Variants in TSHZ3 observed in about 807,000 individuals in gnomAD.
TSHZ3 encodes the protein teashirt homolog 3.
Under a neutral mutation model 64.5 loss-of-function variants are expected in TSHZ3, and 10 were observed. That is an observed-to-expected ratio of 0.16 (90% confidence interval 0.10 to 0.26). The LOEUF (loss-of-function observed/expected upper bound fraction) is 0.26, where lower values mean the gene tolerates loss of function less well. TSHZ3 is among the 10% of genes least tolerant of loss of function. The probability of loss-of-function intolerance (pLI) is 1.00; values close to 1 mark genes in which losing one functional copy is unlikely to be tolerated. For synonymous variants in TSHZ3, 608 were observed against 593.1 expected, an observed-to-expected ratio of 1.03 and a Z score of -0.36; for missense variants, 1,242 against 1,421.7, an observed-to-expected ratio of 0.87 and a Z score of 2.03.
intron 1 of TSHZ3, among the ~76,000 whole-genome samples, chr19:31,310,955 C>A (rs1461080814): frequency 6.6e-6 from 1 of 152,200 alleles, no homozygotes; most frequent in Non-Finnish European, 1.5e-5. Flanking sequence ...ACATTTCAGC[C>A]CCTCACTGGG....
chr19:31,218,927 C>A (rs114681375), intron 4 of TSHZ3, among the ~76,000 whole-genome samples: 1 of 152,066 alleles, frequency 6.6e-6, no homozygotes, highest in Non-Finnish European at 1.5e-5. Flanking sequence ...GATTGTAATC[C>A]GGCAGCATTG....
At position 31,276,066 on chromosome 19, in the gene TSHZ3, C is replaced by T. The variant is rs1976226290; in HGVS notation, c.*481G>A. On this transcript the variant is annotated 3_prime_UTR_variant, in exon 2 of 2. Transcript: ENST00000240587. Reference sequence around the variant, plus strand: ...GTTCATATTATTCATTATAACTAAGCTGGTAAGGAGTTTAAAAAACAGAGC... The same window carrying T: ...GTTCATATTATTCATTATAACTAAGTTGGTAAGGAGTTTAAAAAACAGAGC... 1 of 152,746 alleles carries T rather than the reference C, an allele frequency of 6.5e-6. No homozygotes were observed. The allele number at this position is 152,746 out of a possible 1,614,324, so 9.5% of individuals were successfully genotyped here.
intron 4 of TSHZ3, among the ~76,000 whole-genome samples, chr19:31,214,018 G>T (rs1418799282): frequency 6.6e-6 from 1 of 152,216 alleles, no homozygotes; most frequent in South Asian, 2.1e-4. Flanking sequence ...CTTGTGCTGA[G>T]TGTGGCCGCC....
At chr19:31,166,801 A>C (rs2145109815) in intron 5 of TSHZ3, among the ~76,000 whole-genome samples, 1 of 152,352 alleles carries the variant, frequency 6.6e-6, no homozygotes, top group African/African-American at 2.4e-5. Flanking sequence ...AAAAAGATCC[A>C]GTCCCACAGG....
chr19:31,339,762 T>C (rs1311115825), intron 1 of TSHZ3, among the ~76,000 whole-genome samples: 1 of 148,512 alleles, frequency 6.7e-6, no homozygotes, highest in Non-Finnish European at 1.5e-5. Context: ...GAAATCGTAC[T>C]CCATCCTCCC....
intron 1 of TSHZ3, among the ~76,000 whole-genome samples, chr19:31,306,233 A>G (rs1429443451): frequency 1.3e-5 from 2 of 152,120 alleles, no homozygotes; most frequent in African/African-American, 4.8e-5. Context: ...CAGACAGGTG[A>G]CGCGGCGGGC....
chr19:31,205,859 G>A (rs920536803), intron 4 of TSHZ3, among the ~76,000 whole-genome samples: 3 of 152,200 alleles, frequency 2.0e-5, no homozygotes, highest in African/African-American at 7.2e-5. Context: ...TTATAATTTG[G>A]AAATAGTATT....
intron 5 of TSHZ3, among the ~76,000 whole-genome samples, chr19:31,183,020 AAGAG>A (rs1974741451): frequency 6.6e-6 from 1 of 152,140 alleles, no homozygotes; most frequent in East Asian, 1.9e-4. Context: ...CCTTAAGAAA[AAGAG>A]AGATTTTGCC....
intron 4 of TSHZ3, among the ~76,000 whole-genome samples, chr19:31,211,976 G>A (rs1975263633): frequency 6.6e-6 from 1 of 152,142 alleles, no homozygotes; most frequent in South Asian, 2.1e-4. Flanking sequence ...TTGCTCAGTA[G>A]ATTGAGGCTT....
chr19:31,308,849 G>C (rs1462422152), intron 1 of TSHZ3: 1 of 394,444 alleles, frequency 2.5e-6, no homozygotes, highest in East Asian at 3.6e-5. Flanking sequence ...AGAAAATGAG[G>C]CCCCAAACAG....
chr19:31,293,976 TC>T (rs1976620218), intron 1 of TSHZ3, among the ~76,000 whole-genome samples: 2 of 152,164 alleles, frequency 1.3e-5, no homozygotes, highest in Non-Finnish European at 2.9e-5. Context: ...CTCTCTGACT[TC>T]CCATGCATCT....
chr19:31,197,260 T>C (rs1312991854), intron 5 of TSHZ3, among the ~76,000 whole-genome samples: 1 of 151,548 alleles, frequency 6.6e-6, no homozygotes, highest in African/African-American at 2.4e-5. Context: ...TTGAGATAAA[T>C]GAAAATGAAA....
intron 5 of TSHZ3, among the ~76,000 whole-genome samples, chr19:31,160,023 T>C (rs2145102100): frequency 6.6e-6 from 1 of 152,056 alleles, no homozygotes; most frequent in East Asian, 1.9e-4. Flanking sequence ...AAAACACACT[T>C]CCCCCTGGAG....
chr19:31,185,253 T>G (rs2145131669), intron 5 of TSHZ3, among the ~76,000 whole-genome samples: 1 of 152,288 alleles, frequency 6.6e-6, no homozygotes, highest in South Asian at 2.1e-4. Context: ...GGAGCTGGGC[T>G]TAAAGCTCTT....
chr19:31,289,249 G>A (rs1329846269), intron 1 of TSHZ3, among the ~76,000 whole-genome samples: 2 of 152,174 alleles, frequency 1.3e-5, no homozygotes, highest in African/African-American at 4.8e-5. Flanking sequence ...AGGCCTCTGG[G>A]TCTCCCAGAC....
chr19:31,327,071 T>A (rs1916952902), intron 1 of TSHZ3, among the ~76,000 whole-genome samples: 1 of 152,094 alleles, frequency 6.6e-6, no homozygotes, highest in Admixed American at 6.6e-5. Context: ...AGCAGCTTTC[T>A]GTTTCATTAA....
downstream of TSHZ3, among the ~76,000 whole-genome samples, chr19:31,270,502 G>A (rs1976120354): frequency 1.3e-5 from 2 of 152,122 alleles, no homozygotes; most frequent in Admixed American, 1.3e-4. Flanking sequence ...GTAGAGACAG[G>A]GTCTCACTAT....
At chr19:31,332,874 G>C (rs1220843767) in intron 1 of TSHZ3, among the ~76,000 whole-genome samples, 1 of 152,016 alleles carries the variant, frequency 6.6e-6, no homozygotes, top group South Asian at 2.1e-4. Flanking sequence ...TGGAGACCGA[G>C]GAGGGTAGAC....
intron 4 of TSHZ3, among the ~76,000 whole-genome samples, chr19:31,223,959 A>C (rs148961515): frequency 6.6e-6 from 1 of 152,156 alleles, no homozygotes; most frequent in East Asian, 1.9e-4. Context: ...CTTGCGTCCA[A>C]CTCCTTGCAG....
Sources: allele counts gnomAD v4.1 joint callset (sites outside exome capture counted in the v4.1 genomes callset), GRCh38; gene constraint gnomAD v4.1.1; transcripts MANE v1.5; gene names NCBI Gene and HGNC (gene_info 2026-07-23, HGNC 2026-07-21).